The following FAM53B variants were observed in gnomAD, a reference collection of about 807,000 sequenced individuals.
FAM53B encodes family with sequence similarity 53 member B, also known as protein FAM53B.
A neutral mutation model predicts 32.7 loss-of-function variants in FAM53B; 12 were observed. That is an observed-to-expected ratio of 0.37 (90% CI 0.24 to 0.59). The LOEUF (loss-of-function observed/expected upper bound fraction) is 0.59, where lower values mean the gene tolerates loss of function less well. Among genes scored for constraint, FAM53B ranks in the 20% least tolerant of loss-of-function variants. The pLI, the probability that FAM53B is intolerant of heterozygous loss-of-function variation, is 0.72. For synonymous variants in FAM53B, 234 were observed against 228.7 expected (o/e 1.02, Z -0.21); for missense variants, 477 against 577.7 (o/e 0.83, Z 1.79).
At chr10:124,656,755 A>G (rs1351635598) in intron 4 of FAM53B, among the ~76,000 whole-genome samples, 1 of 152,204 alleles carries the variant, frequency 6.6e-6, no homozygotes, top group East Asian at 1.9e-4. Flanking sequence ...ATACAAGAGC[A>G]TCAACATTCA....
intron 4 of FAM53B, among the ~76,000 whole-genome samples, chr10:124,657,360 T>C (rs565766462): frequency 1.4e-4 from 21 of 152,236 alleles, no homozygotes; most frequent in South Asian, 6.2e-4. Context: ...GTTCCACACA[T>C]TGGTAAATGA....
intron 3 of FAM53B, among the ~76,000 whole-genome samples, chr10:124,689,309 C>T (rs1036356829): frequency 6.6e-6 from 1 of 152,180 alleles, no homozygotes; most frequent in South Asian, 2.1e-4. Flanking sequence ...TGAGCTCCCC[C>T]ACAATCGTCT....
In FAM53B at chr10:124,744,063, G is replaced by A; in HGVS notation, c.-225C>T. ...CGGACCCCGCGCCGTCACCGCCAGC[G>A]CTCGCCAAGTCGTCCGGGGTGCCCG... On this transcript the variant is annotated 5_prime_UTR_variant, in exon 1 of 5. Coordinates refer to ENST00000337318, the MANE Select transcript of FAM53B (RefSeq NM_014661.4). The A allele has an allele frequency of 6.8e-6, 1 of 147,390 alleles. No individual in the cohort carries two copies. Among genetic ancestry groups the A allele is most frequent in the South Asian group, 2.0e-4 (1 of 4,954 alleles). The allele number at this position is 147,390 out of a possible 1,614,324, so 9.1% of individuals were successfully genotyped here.
intron 1 of FAM53B, among the ~76,000 whole-genome samples, chr10:124,738,026 A>T (rs184053805): frequency 2.8e-4 from 42 of 152,248 alleles, no homozygotes; most frequent in Non-Finnish European, 4.9e-4. Flanking sequence ...CAGAAACAGA[A>T]ATGACCTCGA....
chr10:124,706,469 A>G (rs558848687), intron 2 of FAM53B, among the ~76,000 whole-genome samples, 167 bp downstream of exon 2: 1 of 152,292 alleles, frequency 6.6e-6, no homozygotes, highest in African/African-American at 2.4e-5. Context: ...TTCTCAGTCA[A>G]GCTCTGCTCC....
intron 3 of FAM53B, among the ~76,000 whole-genome samples, chr10:124,694,759 A>T (rs945521317): frequency 6.6e-6 from 1 of 152,188 alleles, no homozygotes; most frequent in African/African-American, 2.4e-5. Context: ...GGAGGTATTC[A>T]ATCCTGTGGG....
At chr10:124,726,627 G>A (rs915068952) in intron 1 of FAM53B, among the ~76,000 whole-genome samples, 5 of 152,214 alleles carry the variant, frequency 3.3e-5, no homozygotes, top group Admixed American at 6.5e-5. Context: ...GGTGAAATAC[G>A]TGTGAGAATC....
chr10:124,652,476 C>A (rs1473765296), intron 4 of FAM53B, among the ~76,000 whole-genome samples: 1 of 152,178 alleles, frequency 6.6e-6, no homozygotes, highest in Non-Finnish European at 1.5e-5. Context: ...GCTGCACTCA[C>A]ATCTGGTCCC....
Position 124,620,920 on chromosome 10 carries a change from A to G in FAM53B, c.*2322T>C, listed in dbSNP as rs1389302412. 6.6e-6 allele frequency: 1 copy of G among 152,246 alleles called. No homozygotes were observed. Among genetic ancestry groups the G allele is most frequent in the Non-Finnish European group, 1.5e-5 (1 of 68,084 alleles). The allele number at this position is 152,246 out of a possible 1,614,324, so 9.4% of individuals were successfully genotyped here. On this transcript the variant is annotated 3_prime_UTR_variant, in exon 5 of 5. Transcript: ENST00000337318. Reference sequence around the variant, plus strand: ...GCTGGGCTTGCTGGTCGATGGGACCAGCTTGCGGGGAGGTGGGGAGGTGGC... The same window carrying G: ...GCTGGGCTTGCTGGTCGATGGGACCGGCTTGCGGGGAGGTGGGGAGGTGGC...
At chr10:124,734,061 G>A (rs1950161110) in intron 1 of FAM53B, among the ~76,000 whole-genome samples, 1 of 152,184 alleles carries the variant, frequency 6.6e-6, no homozygotes, top group Non-Finnish European at 1.5e-5. Context: ...CCCCCTCCAG[G>A]AAGCCTTCCC....
chr10:124,711,737 G>A (rs995329463), intron 1 of FAM53B, among the ~76,000 whole-genome samples: 1 of 152,104 alleles, frequency 6.6e-6, no homozygotes, highest in African/African-American at 2.4e-5. Context: ...GAAATCACTC[G>A]ACTTCAGTTT....
chr10:124,709,858 ATAG>A, intron 1 of FAM53B, among the ~76,000 whole-genome samples: 1 of 151,890 alleles, frequency 6.6e-6, no homozygotes, highest in Non-Finnish European at 1.5e-5. Flanking sequence ...AAAAAAAAAA[ATAG>A]AAGGAGTCCA....
Position 124,744,012 on chromosome 10 carries a change from C to G in FAM53B, c.-175+1G>C, listed in dbSNP as rs1687607800. The G allele has an allele frequency of 6.7e-6, 1 of 148,198 alleles. No individual in the cohort carries two copies. 9.2% of individuals were successfully genotyped at this position (148,198 alleles called of 1,614,324 possible). A position where few individuals can be genotyped will look rare whatever the true frequency, so the allele number is the denominator to read the frequency against. ...CCGCCGCCCGGCCCCGGGTCGCTTA[C>G]TGTGCGCGGCGGGGCGCTCCGGGCG... On this transcript the variant is annotated splice_donor_variant, in intron 1 of 4. Coordinates refer to ENST00000337318, the MANE Select transcript of FAM53B (RefSeq NM_014661.4). LOFTEE classifies it low-confidence loss of function (5UTR_SPLICE).
intron 4 of FAM53B, among the ~76,000 whole-genome samples, chr10:124,658,256 C>G (rs1185143338): frequency 6.6e-6 from 1 of 152,214 alleles, no homozygotes; most frequent in East Asian, 1.9e-4. Flanking sequence ...GCGGAGGCCT[C>G]TGGCCATATT....
intron 4 of FAM53B, among the ~76,000 whole-genome samples, chr10:124,672,101 G>A (rs1249240316): frequency 6.6e-6 from 1 of 152,234 alleles, no homozygotes; most frequent in East Asian, 1.9e-4. Context: ...TGCCTGGGGC[G>A]ACAGAGGCTC....
intron 4 of FAM53B, among the ~76,000 whole-genome samples, chr10:124,668,449 T>C (rs1949687255): frequency 6.6e-6 from 1 of 152,244 alleles, no homozygotes; most frequent in Non-Finnish European, 1.5e-5. Flanking sequence ...ACTCTCTAGG[T>C]GAATCAGGCT....
rs138475321 is a variant in FAM53B at position 124,624,533 on chromosome 10, G to C, written c.907-929C>G. Reference sequence around the variant, plus strand: ...TGGGCCCTTTGAGGCCCCAGAGAGAGAGTAGGCTGCGCAGAAGCTTCTCCG... The same window carrying C: ...TGGGCCCTTTGAGGCCCCAGAGAGACAGTAGGCTGCGCAGAAGCTTCTCCG... On this transcript the variant is annotated intron_variant, in intron 4 of 4. Coordinates refer to ENST00000337318, the MANE Select transcript of FAM53B (RefSeq NM_014661.4). Among the ~76,000 whole-genome samples the C allele has an allele frequency of 5.4e-4, 82 of 152,324 alleles. No individual in the cohort carries two copies. In the Middle Eastern group the frequency reaches 0.01, roughly 19 times the overall value.
rs753137379 is a variant in FAM53B, at chr10:124,623,491, G to A, written c.1020C>T (p.Leu340=). 4 of 1,588,438 alleles carry A rather than the reference G, an allele frequency of 2.5e-6. No homozygotes were observed. Among genetic ancestry groups the A allele is most frequent in the African/African-American group, 2.7e-5 (2 of 74,588 alleles). ...TCCTGCCCCCTGGGCCGGAGGCTGA[G>A]AGCAGGGCGGTCCAGGCCCTGGTGT... The part of the protein sequence containing the change: ...VSNTRAWTAL[L]SASGPGGRTP... The change falls in exon 5 of 5, where the codon CTC becomes CTT. Residue 340 remains leucine, a synonymous_variant. Transcript: ENST00000337318.
chr10:124,720,860 A>G (rs1950064640), intron 1 of FAM53B, among the ~76,000 whole-genome samples: 2 of 152,268 alleles, frequency 1.3e-5, no homozygotes, highest in African/African-American at 4.8e-5. Context: ...TATTATTAAA[A>G]TATCTTGATA....
Sources: gnomAD v4.1 joint callset for allele counts (sites outside exome capture counted in the v4.1 genomes callset) on GRCh38, gnomAD v4.1.1 for gene constraint, MANE v1.5 for transcripts, NCBI Gene and HGNC (gene_info 2026-07-23, HGNC 2026-07-21) for gene names.